Variants in CNTN4 observed in about 807,000 individuals in gnomAD.
CNTN4 encodes the protein contactin 4.
A neutral mutation model predicts 122.5 loss-of-function variants in CNTN4; 77 were observed. The observed-to-expected ratio is 0.63, with a 90% CI of 0.52 to 0.76. The LOEUF (loss-of-function observed/expected upper bound fraction) is 0.76. Among genes scored for constraint, CNTN4 ranks in the 30% least tolerant of loss-of-function variants. The pLI, the probability that CNTN4 is intolerant of heterozygous loss-of-function variation, is 0.00. For synonymous variants in CNTN4, 512 were observed against 447.0 expected (o/e 1.15, Z -1.83); for missense variants, 1,256 against 1,259.1 (o/e 1.00, Z 0.04).
At chr3:2,221,206 C>T (rs1244382744) in intron 2 of CNTN4, among the ~76,000 whole-genome samples, 2 of 152,040 alleles carry the variant, frequency 1.3e-5, no homozygotes, top group African/African-American at 2.4e-5. Flanking sequence ...ATTTGTGGGC[C>T]TTTCGTTGGA....
At position 2,197,335 on chromosome 3, in the gene CNTN4, C is replaced by A. The variant is rs1413542163; in HGVS notation, c.-145+96696C>A. Among the ~76,000 whole-genome samples the A allele has an allele frequency of 3.9e-5, 6 of 152,212 alleles. No individual in the cohort carries two copies. The South Asian group carries it at 6.2e-4, about 16-fold the overall frequency. ...AGCTGTCATTTTCTTTTCATTCTTT[C>A]TTGATTTGCTAGCCGGAATTAATTG... On this transcript the variant is annotated intron_variant, in intron 2 of 24. Coordinates refer to ENST00000418658, the MANE Select transcript of CNTN4 (RefSeq NM_175607.3).
intron 12 of CNTN4, among the ~76,000 whole-genome samples, chr3:2,907,473 T>C (rs1430714841): frequency 6.6e-6 from 1 of 151,544 alleles, no homozygotes; most frequent in Non-Finnish European, 1.5e-5. Flanking sequence ...TCTGGGAGGC[T>C]GAGGCAGGAG....
intron 3 of CNTN4, among the ~76,000 whole-genome samples, chr3:2,422,764 A>G (rs1367718746): frequency 1.3e-5 from 2 of 152,196 alleles, no homozygotes; most frequent in African/African-American, 4.8e-5. Context: ...AGCTGCTGAT[A>G]TTCTGTTTCC....
At chr3:3,013,051 T>C (rs1697394489) in intron 14 of CNTN4, among the ~76,000 whole-genome samples, 1 of 152,130 alleles carries the variant, frequency 6.6e-6, no homozygotes. Flanking sequence ...TAAGTGTCTC[T>C]TTTTCCTTTC....
At chr3:2,393,724 A>G (rs1255462784) in intron 3 of CNTN4, among the ~76,000 whole-genome samples, 1 of 152,142 alleles carries the variant, frequency 6.6e-6, no homozygotes, top group African/African-American at 2.4e-5. Context: ...AAGCTATGAG[A>G]AGATAAGTTA....
At chr3:3,040,589 T>G (rs976338244) in intron 20 of CNTN4, among the ~76,000 whole-genome samples, 2 of 152,388 alleles carry the variant, frequency 1.3e-5, no homozygotes, top group Non-Finnish European at 2.9e-5. Context: ...TTTTTGCCTT[T>G]AAGTGAATAT....
At chr3:2,503,552 A>G (rs963305349) in intron 3 of CNTN4, among the ~76,000 whole-genome samples, 1 of 152,128 alleles carries the variant, frequency 6.6e-6, no homozygotes, top group Non-Finnish European at 1.5e-5. Context: ...CCCATTTTAC[A>G]GAAAGTTGGG....
At chr3:2,694,936 G>GT (rs2085944680) in intron 4 of CNTN4, among the ~76,000 whole-genome samples, 2 of 152,082 alleles carry the variant, frequency 1.3e-5, no homozygotes, top group Non-Finnish European at 2.9e-5. Flanking sequence ...TAAATGAACC[G>GT]TTTGGTTTTA....
At chr3:2,162,600 T>C (rs9875789) in intron 2 of CNTN4, among the ~76,000 whole-genome samples, 38,537 of 152,088 alleles carry the variant, frequency 0.25, 5,320 homozygotes, top group East Asian at 0.39. Flanking sequence ...CTGACCTGTT[T>C]ATTGACTCAA....
In CNTN4 at chr3:2,945,175, A is replaced by G. The variant is rs149096641; in HGVS notation, c.1358+19396A>G. ...AAATCTGGGTAGAGTACTCTTTCCT[A>G]TAATTATAAGAGATGACTGTATGGC... On this transcript the variant is annotated intron_variant, in intron 13 of 24. Coordinates refer to ENST00000418658, the MANE Select transcript of CNTN4 (RefSeq NM_175607.3). 2.8e-3 allele frequency among the ~76,000 whole-genome samples: 430 copies of G among 152,294 alleles called. 1 individual carries two copies. Among genetic ancestry groups the G allele is most frequent in the African/African-American group, 9.6e-3 (400 of 41,568 alleles).
At chr3:2,229,752 T>A (rs62247018) in intron 2 of CNTN4, among the ~76,000 whole-genome samples, 30,148 of 152,130 alleles carry the variant, frequency 0.2, 3,523 homozygotes, top group South Asian at 0.38. Context: ...CTCATTTAAT[T>A]GTCCTAAAAC....
intron 7 of CNTN4, among the ~76,000 whole-genome samples, chr3:2,836,881 G>A (rs1046373318): frequency 2.6e-5 from 4 of 152,032 alleles, no homozygotes; most frequent in African/African-American, 9.7e-5. Context: ...AAACCTGCAT[G>A]TTCTGCACAT....
intron 2 of CNTN4, among the ~76,000 whole-genome samples, chr3:2,261,164 T>C (rs995463833): frequency 7.2e-5 from 11 of 152,222 alleles, no homozygotes; most frequent in Admixed American, 2.0e-4. Context: ...AATTTTTTTT[T>C]CCCACGTAGT....
At chr3:2,431,538 T>C (rs2048070072) in intron 3 of CNTN4, among the ~76,000 whole-genome samples, 1 of 152,152 alleles carries the variant, frequency 6.6e-6, no homozygotes, top group South Asian at 2.1e-4. Flanking sequence ...TTGTGTGTAA[T>C]TGACTTTTTT....
At chr3:2,749,400 T>C (rs928383218) in intron 6 of CNTN4, among the ~76,000 whole-genome samples, 2 of 150,924 alleles carry the variant, frequency 1.3e-5, no homozygotes, top group Non-Finnish European at 2.9e-5. Context: ...TTCGAACTCC[T>C]GATCTCAAGT....
chr3:2,762,712 G>A (rs1033767329), intron 6 of CNTN4, among the ~76,000 whole-genome samples: 3 of 152,078 alleles, frequency 2.0e-5, no homozygotes, highest in Admixed American at 6.6e-5. Context: ...ATGCTGGGTC[G>A]AATGACATTT....
intron 3 of CNTN4, among the ~76,000 whole-genome samples, chr3:2,458,539 T>C (rs1359395093): frequency 6.6e-6 from 1 of 152,188 alleles, no homozygotes; most frequent in Non-Finnish European, 1.5e-5. Context: ...TTCCCTCTTA[T>C]GAGATGTTGA....
chr3:2,441,478 A>C (rs1169642204), intron 3 of CNTN4, among the ~76,000 whole-genome samples: 1 of 152,210 alleles, frequency 6.6e-6, no homozygotes, highest in African/African-American at 2.4e-5. Flanking sequence ...GAAATATTCT[A>C]ACAAAGCTGA....
chr3:2,362,961 G>GTT (rs35946939), intron 3 of CNTN4, among the ~76,000 whole-genome samples: 6 of 151,850 alleles, frequency 4.0e-5, no homozygotes, highest in African/African-American at 1.2e-4. Flanking sequence ...ATTACAGACT[G>GTT]TTTTTTTTCC....
Sources: gnomAD v4.1 joint callset for allele counts (sites outside exome capture counted in the v4.1 genomes callset) on GRCh38, gnomAD v4.1.1 for gene constraint, MANE v1.5 for transcripts, NCBI Gene and HGNC (gene_info 2026-07-23, HGNC 2026-07-21) for gene names.